The following SLC20A2 variants were observed in gnomAD, a reference collection of about 807,000 sequenced individuals.
The protein encoded by SLC20A2 is solute carrier family 20 member 2, also known as sodium-dependent phosphate transporter 2.
In SLC20A2, 30 loss-of-function variants were observed where a neutral mutation model predicts 61.0. The ratio of observed to expected loss-of-function variants is 0.49; its 90% confidence interval spans 0.37 to 0.67. The LOEUF (loss-of-function observed/expected upper bound fraction) is 0.67, where lower values mean the gene tolerates loss of function less well. Among genes scored for constraint, SLC20A2 ranks in the 30% least tolerant of loss-of-function variants. The probability of loss-of-function intolerance (pLI) is 0.00; values close to 1 mark genes in which losing one functional copy is unlikely to be tolerated. For synonymous variants in SLC20A2, 351 were observed against 353.3 expected (o/e 0.99, Z 0.07); for missense variants, 626 against 866.4 (o/e 0.72, Z 3.48).
chr8:42,422,027 A>G (rs765443146), intron 10 of SLC20A2, among the ~76,000 whole-genome samples: 2 of 152,010 alleles, frequency 1.3e-5, no homozygotes, highest in South Asian at 2.1e-4. Context: ...ATCTTGATCA[A>G]TTTGGTCCTG....
intron 5 of SLC20A2, among the ~76,000 whole-genome samples, chr8:42,453,755 TCTC>T (rs1805919484): frequency 6.6e-6 from 1 of 152,128 alleles, no homozygotes; most frequent in African/African-American, 2.4e-5. Flanking sequence ...GCCATGACCT[TCTC>T]CTCTAGGCAA....
At chr8:42,518,600 T>C (rs1471645817) in intron 1 of SLC20A2, among the ~76,000 whole-genome samples, 1 of 152,224 alleles carries the variant, frequency 6.6e-6, no homozygotes, top group African/African-American at 2.4e-5. Context: ...CATTAACTCT[T>C]GTTTTTTATT....
At chr8:42,516,323 T>C (rs1811320600) in intron 1 of SLC20A2, among the ~76,000 whole-genome samples, 1 of 152,208 alleles carries the variant, frequency 6.6e-6, no homozygotes. Context: ...TTAAAGGGAA[T>C]ACAATATTAT....
In SLC20A2 at chr8:42,416,560, T is replaced by C. The variant is rs1802683508; in HGVS notation, c.*1243A>G. The C allele has an allele frequency of 6.6e-6, 1 of 152,604 alleles. No individual in the cohort carries two copies. Among genetic ancestry groups the C allele is most frequent in the Admixed American group, 6.5e-5 (1 of 15,278 alleles). The allele number at this position is 152,604 out of a possible 1,614,324, so 9.5% of individuals were successfully genotyped here. A position where few individuals can be genotyped will look rare whatever the true frequency, so the allele number is the denominator to read the frequency against. ...AGTACCAAGAAAATGTTTGTCAATA[T>C]AAAAATTTTAGCAGCATTTCCATAG... is the stretch of plus-strand genomic sequence containing the variant. On this transcript the variant is annotated 3_prime_UTR_variant, in exon 11 of 11. Transcript: ENST00000520262.
At position 42,472,541 on chromosome 8, in the gene SLC20A2, C is replaced by T; in HGVS notation, c.-151G>A. 1.4e-6 allele frequency: 1 copy of T among 691,726 alleles called. No individual in the cohort carries two copies. The highest frequency in any genetic ancestry group is 1.9e-5 in the South Asian group (1 of 51,416). 42.8% of individuals were successfully genotyped at this position (691,726 alleles called of 1,614,324 possible). ...ACAATGTTAGAGGCTGGACAAACTG[C>T]TAGCTGCTGGTTTGCAAACTACTGT... On this transcript the variant is annotated 5_prime_UTR_variant, in exon 2 of 11. The change abolishes the stop of an existing upstream ORF in the 5' untranslated region. Transcript: ENST00000520262. This position sits in a 1 kb window ranked among gnomAD's most constrained non-coding sequence, Gnocchi z 4.1.
At chr8:42,508,591 A>G (rs1400642167) in intron 1 of SLC20A2, among the ~76,000 whole-genome samples, 2 of 151,952 alleles carry the variant, frequency 1.3e-5, no homozygotes, top group Admixed American at 6.6e-5. Flanking sequence ...GGGTTTCACC[A>G]TGTTAGCCAG....
At chr8:42,466,305 C>T (rs986593892) in intron 2 of SLC20A2, among the ~76,000 whole-genome samples, 4 of 152,204 alleles carry the variant, frequency 2.6e-5, no homozygotes, top group East Asian at 3.9e-4. Flanking sequence ...AGGCTGGTCT[C>T]GAACCCCTAA....
Position 42,437,599 on chromosome 8 carries a change from C to A in SLC20A2, c.935-22G>T. On this transcript the variant is annotated intron_variant, in intron 7 of 10. Transcript: ENST00000520262. This position sits in a 1 kb window ranked among gnomAD's most constrained non-coding sequence, Gnocchi z 6.4. The stretch of plus-strand genomic sequence containing the variant: ...CTTCCTGAAAAGGGTTAGAGAAGGT[C>A]TCATTTTCCAGTCTTTTTTTTTTTT... 7.4e-6 allele frequency: 11 copies of A among 1,490,180 alleles called. No homozygotes were observed. Among genetic ancestry groups the A allele is most frequent in the Non-Finnish European group, 1.0e-5 (11 of 1,103,482 alleles). 92.3% of individuals were successfully genotyped at this position (1,490,180 alleles called of 1,614,324 possible).
chr8:42,529,188 T>C (rs3099936), intron 1 of SLC20A2, among the ~76,000 whole-genome samples: 104,093 of 151,978 alleles, frequency 0.68, 36,507 homozygotes, highest in African/African-American at 0.84. Context: ...AGGCTGCTCT[T>C]GAACTCCAAG....
chr8:42,444,358 G>A (rs1805037139), intron 6 of SLC20A2, among the ~76,000 whole-genome samples: 1 of 152,174 alleles, frequency 6.6e-6, no homozygotes, highest in Non-Finnish European at 1.5e-5. Flanking sequence ...GAGTTAATTT[G>A]CATTTCTATG....
chr8:42,453,370 T>C (rs2131114722), intron 5 of SLC20A2, among the ~76,000 whole-genome samples: 1 of 152,372 alleles, frequency 6.6e-6, no homozygotes, highest in Middle Eastern at 3.4e-3. Context: ...GCGAACTTAG[T>C]CTTTGAAGTG....
chr8:42,511,651 G>A (rs1271931264), intron 1 of SLC20A2, among the ~76,000 whole-genome samples: 6 of 151,540 alleles, frequency 4.0e-5, no homozygotes, highest in Admixed American at 4.0e-4. Context: ...AGTGGTCACT[G>A]TTAGGGTAAG....
intron 1 of SLC20A2, among the ~76,000 whole-genome samples, chr8:42,500,655 T>C (rs1810258283): frequency 6.6e-6 from 1 of 152,198 alleles, no homozygotes; most frequent in African/African-American, 2.4e-5. Flanking sequence ...AGGAATTAAC[T>C]TTCAACATTT....
chr8:42,523,350 T>C (rs552488081), intron 1 of SLC20A2, among the ~76,000 whole-genome samples: 1 of 151,748 alleles, frequency 6.6e-6, no homozygotes, highest in African/African-American at 2.4e-5. Flanking sequence ...AATAAATAAA[T>C]AAAATAAATA....
intron 10 of SLC20A2, among the ~76,000 whole-genome samples, chr8:42,424,671 C>T (rs1359221584): frequency 6.6e-6 from 1 of 152,108 alleles, no homozygotes; most frequent in Non-Finnish European, 1.5e-5. Flanking sequence ...TGTTTTTTCC[C>T]AAGTTATACC....
intron 1 of SLC20A2, among the ~76,000 whole-genome samples, chr8:42,527,537 G>A (rs551088315): frequency 6.6e-6 from 1 of 152,114 alleles, no homozygotes; most frequent in East Asian, 1.9e-4. Context: ...TAGCACTTTG[G>A]GGGGCTGAGG....
chr8:42,505,826 G>T (rs893254132), upstream of SLC20A2, among the ~76,000 whole-genome samples: 1 of 151,740 alleles, frequency 6.6e-6, no homozygotes, highest in Non-Finnish European at 1.5e-5. Flanking sequence ...GGGAGGCGGG[G>T]GTTGCAGTGA....
chr8:42,463,333 G>C, intron 3 of SLC20A2: 1 of 320,410 alleles, frequency 3.1e-6, no homozygotes, highest in South Asian at 8.1e-5. Context: ...CCAATGCAGG[G>C]TCAAGAAACC....
intron 1 of SLC20A2, among the ~76,000 whole-genome samples, chr8:42,523,103 C>T (rs1373504769): frequency 1.3e-5 from 2 of 152,036 alleles, no homozygotes; most frequent in Admixed American, 6.6e-5. Flanking sequence ...GAGGCCGAGG[C>T]GGGCAGATCA....
Sources: gnomAD v4.1 joint callset for allele counts (sites outside exome capture counted in the v4.1 genomes callset) on GRCh38, gnomAD v4.1.1 for gene constraint, Gnocchi (gnomAD v3.1) non-coding constraint, MANE v1.5 for transcripts, NCBI Gene and HGNC (gene_info 2026-07-23, HGNC 2026-07-21) for gene names.